The following TC2N variants were observed in gnomAD, a reference collection of about 807,000 sequenced individuals.
TC2N encodes tandem C2 domains nuclear protein.
In TC2N, 51 loss-of-function variants were observed where a neutral mutation model predicts 61.9. The observed-to-expected ratio is 0.82, with a 90% CI of 0.66 to 1.04. The LOEUF is 1.04. Among genes scored for constraint, TC2N ranks in the 50% least tolerant of loss-of-function variants. TC2N has a pLI of 0.00. For synonymous variants in TC2N, 204 were observed against 192.6 expected, an observed-to-expected ratio of 1.06 and a Z score of -0.49; for missense variants, 556 against 566.7, an observed-to-expected ratio of 0.98 and a Z score of 0.19.
At chr14:91,845,273 A>AAATAAATAAATG (rs1888249636) in intron 1 of TC2N, among the ~76,000 whole-genome samples, 1 of 150,600 alleles carries the variant, frequency 6.6e-6, no homozygotes, top group Non-Finnish European at 1.5e-5. Flanking sequence ...ATAAATAAAT[A>AAATAAATAAATG]TGTTTATACG....
At chr14:91,836,820 G>A (rs192547286) in intron 1 of TC2N, among the ~76,000 whole-genome samples, 169 of 152,318 alleles carry the variant, frequency 1.1e-3, no homozygotes, top group African/African-American at 4.0e-3. Flanking sequence ...GCGGTAGGAG[G>A]GGGAAGAGAG....
intron 1 of TC2N, among the ~76,000 whole-genome samples, chr14:91,854,651 A>G (rs959814925): frequency 2.0e-5 from 3 of 152,200 alleles, no homozygotes; most frequent in Non-Finnish European, 4.4e-5. Flanking sequence ...CTAGGGAGGG[A>G]CAACCTCTTG....
intron 1 of TC2N, among the ~76,000 whole-genome samples, chr14:91,821,118 A>C (rs1887232211): frequency 6.6e-6 from 1 of 152,024 alleles, no homozygotes. Flanking sequence ...ACAGAAATTG[A>C]CAAGCTGATC....
intron 3 of TC2N, among the ~76,000 whole-genome samples, chr14:91,808,229 T>C (rs1886605752): frequency 6.6e-6 from 1 of 152,228 alleles, no homozygotes; most frequent in Admixed American, 6.5e-5. Context: ...ATTTTTACTG[T>C]ACTGAATACT....
chr14:91,798,720 G>C (rs1161663673), intron 6 of TC2N, among the ~76,000 whole-genome samples: 1 of 151,836 alleles, frequency 6.6e-6, no homozygotes. Context: ...TCCTTCACTA[G>C]TACACTTTAA....
At chr14:91,851,421 T>G (rs1261785537) in intron 1 of TC2N, among the ~76,000 whole-genome samples, 3 of 152,178 alleles carry the variant, frequency 2.0e-5, no homozygotes, top group Non-Finnish European at 4.4e-5. Context: ...TTTCTTTGGT[T>G]GTTCTCCCTC....
intron 1 of TC2N, among the ~76,000 whole-genome samples, chr14:91,834,338 G>C (rs1306512963): frequency 6.6e-6 from 1 of 152,182 alleles, no homozygotes; most frequent in Non-Finnish European, 1.5e-5. Context: ...TCAGCTTCTT[G>C]CTCTCAGCTT....
chr14:91,851,438 G>A (rs57708400), intron 1 of TC2N, among the ~76,000 whole-genome samples: 2 of 152,126 alleles, frequency 1.3e-5, no homozygotes, highest in Non-Finnish European at 2.9e-5. Flanking sequence ...CCTCTGTGTG[G>A]TCTAAATAGA....
chr14:91,792,649 T>C, intron 8 of TC2N, 91 bp from the exon 9 acceptor site: 1 of 576,226 alleles, frequency 1.7e-6, no homozygotes, highest in Non-Finnish European at 2.7e-6. Context: ...TTAGGAAAGG[T>C]ATATTCAATT....
At chr14:91,848,310 C>A (rs1258418938) in intron 1 of TC2N, among the ~76,000 whole-genome samples, 1 of 152,090 alleles carries the variant, frequency 6.6e-6, no homozygotes, top group African/African-American at 2.4e-5. Flanking sequence ...GTGGCCAGCC[C>A]GGGCACATAA....
chr14:91,839,366 C>T (rs1309099316), intron 1 of TC2N, among the ~76,000 whole-genome samples: 5 of 152,212 alleles, frequency 3.3e-5, no homozygotes, highest in Non-Finnish European at 5.9e-5. Flanking sequence ...AACCCCACAA[C>T]ACCCATTCCT....
intron 1 of TC2N, among the ~76,000 whole-genome samples, chr14:91,825,026 CTTTTTTTTTTTTTTT>C (rs5810554): frequency 9.0e-5 from 6 of 66,854 alleles, no homozygotes; most frequent in South Asian, 1.8e-3. Flanking sequence ...TTTTTCTTTT[CTTTTTTTTTTTTTTT>C]TTTTTTTTTT....
intron 1 of TC2N, chr14:91,866,298 G>A (rs1888701102): frequency 6.6e-6 from 1 of 151,988 alleles, no homozygotes; most frequent in East Asian, 1.9e-4. Flanking sequence ...ACACCCCAAG[G>A]GCCAAGACTT....
chr14:91,796,415 C>T (rs781005168), intron 8 of TC2N, among the ~76,000 whole-genome samples: 3 of 151,972 alleles, frequency 2.0e-5, no homozygotes, highest in Non-Finnish European at 2.9e-5. Context: ...AGTTTTCTAT[C>T]ACATGGTGTT....
At chr14:91,861,940 T>A (rs953158322) in intron 1 of TC2N, among the ~76,000 whole-genome samples, 2 of 150,910 alleles carry the variant, frequency 1.3e-5, no homozygotes, top group Non-Finnish European at 2.9e-5. Flanking sequence ...ATATATATGT[T>A]TATATATGTA....
chr14:91,802,221 C>T (rs1373795749), intron 4 of TC2N, 33 bp downstream of exon 4: 32 of 1,483,428 alleles, frequency 2.2e-5, no homozygotes, highest in African/African-American at 2.9e-5. Context: ...TAAAGAGAAA[C>T]ACAGAGAGGA....
At chr14:91,833,542 C>T (rs1007024699) in intron 1 of TC2N, among the ~76,000 whole-genome samples, 3 of 152,038 alleles carry the variant, frequency 2.0e-5, no homozygotes, top group Non-Finnish European at 4.4e-5. Flanking sequence ...GTAGAAGCAT[C>T]ATCTCATCAA....
intron 1 of TC2N, among the ~76,000 whole-genome samples, chr14:91,855,940 A>G (rs960326099): frequency 7.2e-5 from 11 of 152,178 alleles, no homozygotes; most frequent in Admixed American, 7.2e-4. Context: ...TCTACAGGGC[A>G]GGGAGTAAGT....
intron 1 of TC2N, among the ~76,000 whole-genome samples, chr14:91,831,917 C>G (rs1358999507): frequency 6.6e-6 from 1 of 151,936 alleles, no homozygotes; most frequent in East Asian, 1.9e-4. Context: ...AAGCACAAAC[C>G]ATAAAACAAA....
Sources: allele counts gnomAD v4.1 joint callset (sites outside exome capture counted in the v4.1 genomes callset), GRCh38; gene constraint gnomAD v4.1.1; transcripts MANE v1.5; gene names NCBI Gene and HGNC (gene_info 2026-07-23, HGNC 2026-07-21).